The following GRIK4 variants were observed in gnomAD, a reference collection of about 807,000 sequenced individuals.
GRIK4 encodes the protein glutamate receptor ionotropic, kainate 4.
Under a neutral mutation model 104.9 loss-of-function variants are expected in GRIK4, and 40 were observed. The observed-to-expected ratio is 0.38, with a 90% CI of 0.30 to 0.50. The LOEUF is 0.50. Ranked by LOEUF, GRIK4 falls within the 20% of genes least tolerant of loss-of-function variation. GRIK4 has a pLI of 0.93. For missense variants in GRIK4, 1,047 were observed against 1,308.1 expected (o/e 0.80, Z 3.08); for synonymous variants, 485 against 524.9 (o/e 0.92, Z 1.04).
In GRIK4 at chr11:120,819,666, C is replaced by G; in HGVS notation, c.346-89C>G. Reference sequence around the variant, plus strand: ...CGAAGGTGTTACATAAAAGAACTCACCCTCCACAACCTCAGCTCACTCATC... The same window carrying G: ...CGAAGGTGTTACATAAAAGAACTCAGCCTCCACAACCTCAGCTCACTCATC... On this transcript the variant is annotated intron_variant, in intron 5 of 20. Coordinates refer to ENST00000527524, the MANE Select transcript of GRIK4 (RefSeq NM_014619.5). This position sits in a 1 kb window ranked among gnomAD's most constrained non-coding sequence, Gnocchi z 4.3. 7.9e-7 allele frequency: 1 copy of G among 1,266,104 alleles called. No homozygotes were observed. The highest frequency in any genetic ancestry group is 1.1e-6 in the Non-Finnish European group (1 of 874,962). 78.4% of individuals were successfully genotyped at this position (1,266,104 alleles called of 1,614,324 possible).
intron 19 of GRIK4, among the ~76,000 whole-genome samples, chr11:120,980,758 G>GT (rs1944637982): frequency 6.6e-6 from 1 of 152,136 alleles, no homozygotes; most frequent in Non-Finnish European, 1.5e-5. Context: ...AGAGTGTATA[G>GT]TTCATTTGGT....
Position 120,735,363 on chromosome 11 carries a change from T to TC in GRIK4, c.83-67329dup, listed in dbSNP as rs770953845. Among the ~76,000 whole-genome samples, 5 of 152,348 alleles carry TC rather than the reference T, an allele frequency of 3.3e-5. No individual in the cohort carries two copies. The South Asian group carries it at 1.0e-3, about 32-fold the overall frequency. On this transcript the variant is annotated intron_variant, in intron 3 of 20. Transcript: ENST00000527524. Reference sequence around the variant, plus strand: ...GATTACTAGGCAGAGACTCTTGTTCTCTTCCCTTAGTTTCTCTCAAACAAA... The same window carrying TC: ...GATTACTAGGCAGAGACTCTTGTTCTCCTTCCCTTAGTTTCTCTCAAACAAA...
chr11:120,691,179 GT>G (rs1950355338), intron 3 of GRIK4, among the ~76,000 whole-genome samples: 1 of 152,206 alleles, frequency 6.6e-6, no homozygotes, highest in South Asian at 2.1e-4. Flanking sequence ...GGCATCTACT[GT>G]TTTCAATTCA....
At chr11:120,929,826 G>A (rs1565445680) in intron 13 of GRIK4, among the ~76,000 whole-genome samples, 1 of 113,564 alleles carries the variant, frequency 8.8e-6, no homozygotes, top group Admixed American at 1.0e-4. Context: ...CTCTAGTGGG[G>A]AACCTACGGC....
intron 1 of GRIK4, among the ~76,000 whole-genome samples, chr11:120,597,177 T>G (rs1948813639): frequency 6.7e-6 from 1 of 150,142 alleles, no homozygotes; most frequent in African/African-American, 2.4e-5. Flanking sequence ...GCTTTGTTCT[T>G]GGGCCCCTGG....
intron 18 of GRIK4, among the ~76,000 whole-genome samples, chr11:120,966,114 C>T (rs894722648): frequency 3.3e-5 from 5 of 151,966 alleles, no homozygotes; most frequent in East Asian, 1.9e-4. Context: ...GACAAAATCG[C>T]GTTAGAAAAA....
At chr11:120,535,296 G>GCCTA (rs1947962885) in intron 1 of GRIK4, among the ~76,000 whole-genome samples, 1 of 71,562 alleles carries the variant, frequency 1.4e-5, no homozygotes, top group South Asian at 4.5e-4. Flanking sequence ...GAAGGGGGGT[G>GCCTA]CAGATCTTTG....
At chr11:120,821,669 G>A (rs188274487) in intron 6 of GRIK4, among the ~76,000 whole-genome samples, 15 of 152,324 alleles carry the variant, frequency 9.8e-5, no homozygotes, top group African/African-American at 2.9e-4. Context: ...ACCCTCAGAC[G>A]TGGAGAAAGA....
chr11:120,619,889 T>TA (rs1949164217), intron 1 of GRIK4: 1 of 239,714 alleles, frequency 4.2e-6, no homozygotes, highest in South Asian at 1.4e-4. Flanking sequence ...TTTTTTTTTT[T>TA]AATACTGAAA....
In GRIK4 at chr11:120,659,760, C is replaced by T. The variant is rs574065868; in HGVS notation, c.-50-509C>T. 7.9e-4 allele frequency among the ~76,000 whole-genome samples: 120 copies of T among 152,360 alleles called. 1 individual carries two copies. Among genetic ancestry groups the T allele is most frequent in the African/African-American group, 2.8e-3 (116 of 41,584 alleles). On this transcript the variant is annotated intron_variant, in intron 2 of 20. Coordinates refer to ENST00000527524, the MANE Select transcript of GRIK4 (RefSeq NM_014619.5). ...GTTTTGTTTGTTTGAGACAAAGGCT[C>T]GCTCTGTCGTCCAGGCTGGAGTGCA...
chr11:120,523,926 C>CT (rs35679853), intron 1 of GRIK4, among the ~76,000 whole-genome samples: 11,280 of 141,542 alleles, frequency 0.08, 557 homozygotes, highest in African/African-American at 0.12. Context: ...CTTCTGCATT[C>CT]TTTTTTTTTT....
intron 11 of GRIK4, 51 bp downstream of exon 11, chr11:120,875,294 T>G: frequency 8.9e-7 from 1 of 1,126,940 alleles, no homozygotes. Context: ...CTGTTCCATT[T>G]CATTGATGCC....
In GRIK4 at chr11:120,861,924, A is replaced by G. The variant is rs1954276046; in HGVS notation, c.745-35A>G. 2 of 1,565,756 alleles carry G rather than the reference A, an allele frequency of 1.3e-6. 1 individual carries two copies. The highest frequency in any genetic ancestry group is 1.8e-6 in the Non-Finnish European group (2 of 1,138,716). ...CCATCCCTCACTTCACCCCTTCCTA[A>G]CTACATTCTTATTTCTGATGCTGGG... On this transcript the variant is annotated intron_variant, in intron 8 of 20. Transcript: ENST00000527524.
chr11:120,889,033 A>G (rs910286545), intron 11 of GRIK4, among the ~76,000 whole-genome samples: 1 of 152,150 alleles, frequency 6.6e-6, no homozygotes, highest in Non-Finnish European at 1.5e-5. Context: ...ATTATTCTGC[A>G]CAAGCATGTA....
intron 1 of GRIK4, among the ~76,000 whole-genome samples, chr11:120,651,583 G>A (rs570972815): frequency 3.9e-5 from 6 of 152,278 alleles, no homozygotes; most frequent in Non-Finnish European, 7.4e-5. Flanking sequence ...CTCAGGGAAC[G>A]TCCTCCCCTC....
chr11:120,737,773 C>T (rs954532479), intron 3 of GRIK4, among the ~76,000 whole-genome samples: 8 of 151,390 alleles, frequency 5.3e-5, no homozygotes, highest in Non-Finnish European at 2.9e-5. Context: ...GTAGAGGCTA[C>T]GGTTGGGATG....
At chr11:120,553,570 G>T (rs559996974) in intron 1 of GRIK4, among the ~76,000 whole-genome samples, 5 of 152,314 alleles carry the variant, frequency 3.3e-5, no homozygotes, top group Admixed American at 2.6e-4. Flanking sequence ...ATGAGAAACT[G>T]GTTCATTTTC....
intron 1 of GRIK4, among the ~76,000 whole-genome samples, chr11:120,631,477 C>T (rs904737816): frequency 6.6e-6 from 1 of 152,160 alleles, no homozygotes; most frequent in Non-Finnish European, 1.5e-5. Context: ...AGGGCCAGGC[C>T]TCCGAGTCGA....
intron 3 of GRIK4, among the ~76,000 whole-genome samples, chr11:120,792,013 G>A (rs1952404399): frequency 6.6e-6 from 1 of 152,158 alleles, no homozygotes; most frequent in Admixed American, 6.5e-5. Flanking sequence ...CATTGGGGAT[G>A]GGAAGAATTA....
Sources: allele counts gnomAD v4.1 joint callset (sites outside exome capture counted in the v4.1 genomes callset), GRCh38; gene constraint gnomAD v4.1.1; non-coding constraint Gnocchi (gnomAD v3.1); transcripts MANE v1.5; gene names NCBI Gene and HGNC (gene_info 2026-07-23, HGNC 2026-07-21).